Variants in SLC2A9 observed in about 807,000 individuals in gnomAD.
The protein encoded by SLC2A9 is solute carrier family 2, facilitated glucose transporter member 9.
In SLC2A9, 39 loss-of-function variants were observed where a neutral mutation model predicts 50.6. That is an observed-to-expected ratio of 0.77 (90% CI 0.60 to 1.01). The LOEUF is 1.01. Ranked by LOEUF, SLC2A9 falls within the 50% of genes least tolerant of loss-of-function variation. The probability of loss-of-function intolerance (pLI) is 0.00; values close to 1 mark genes in which losing one functional copy is unlikely to be tolerated. For synonymous variants in SLC2A9, 324 were observed against 276.9 expected, an observed-to-expected ratio of 1.17 and a Z score of -1.69; for missense variants, 686 against 677.6, an observed-to-expected ratio of 1.01 and a Z score of -0.14.
chr4:9,777,394 A>G (rs1162124146), downstream of SLC2A9, among the ~76,000 whole-genome samples: 1 of 151,238 alleles, frequency 6.6e-6, no homozygotes, highest in Non-Finnish European at 1.5e-5. Context: ...ATACTTTATC[A>G]TCTTCTGCTA....
At chr4:9,883,068 C>A (rs1329217075) in intron 10 of SLC2A9, among the ~76,000 whole-genome samples, 1 of 151,876 alleles carries the variant, frequency 6.6e-6, no homozygotes, top group Admixed American at 6.6e-5. Flanking sequence ...CTTTTTAGAG[C>A]CCTCATATGT....
At chr4:9,984,893 C>T (rs1377622492) in intron 4 of SLC2A9, among the ~76,000 whole-genome samples, 1 of 152,202 alleles carries the variant, frequency 6.6e-6, no homozygotes, top group African/African-American at 2.4e-5. Flanking sequence ...CTCGCCGTGG[C>T]CTACAAGGTC....
intron 5 of SLC2A9, among the ~76,000 whole-genome samples, chr4:9,955,465 C>T (rs528512369): frequency 1.9e-4 from 8 of 42,308 alleles, no homozygotes; most frequent in East Asian, 1.8e-3. Flanking sequence ...ACTGCACTCC[C>T]GCCTGGGCCA....
chr4:10,009,923 G>A (rs374747925), intron 2 of SLC2A9, among the ~76,000 whole-genome samples: 8 of 152,084 alleles, frequency 5.3e-5, no homozygotes, highest in African/African-American at 1.7e-4. Flanking sequence ...ATAAAGTTTG[G>A]CTGGCCTTTG....
chr4:9,975,407 A>G (rs1754619873), intron 5 of SLC2A9, among the ~76,000 whole-genome samples: 1 of 152,224 alleles, frequency 6.6e-6, no homozygotes, highest in African/African-American at 2.4e-5. Context: ...TTGAACAAGC[A>G]AAAAACAAAT....
chr4:9,806,556 T>G (rs1722142738), intron 3 of SLC2A9, among the ~76,000 whole-genome samples: 1 of 152,314 alleles, frequency 6.6e-6, no homozygotes, highest in Admixed American at 6.5e-5. Context: ...TGTGTGTCTT[T>G]AATTCCTCTA....
At chr4:9,931,942 C>CAATCTCTCTCTCTCTCAA (rs1175530586) in intron 6 of SLC2A9, among the ~76,000 whole-genome samples, 3 of 59,782 alleles carry the variant, frequency 5.0e-5, no homozygotes, top group South Asian at 1.4e-3. Context: ...CTCTCTCTCT[C>CAATCTCTCTCTCTCTCAA]TCTCTCTCTC....
At chr4:9,900,175 G>A (rs1739336689) in intron 8 of SLC2A9, among the ~76,000 whole-genome samples, 1 of 152,172 alleles carries the variant, frequency 6.6e-6, no homozygotes, top group Non-Finnish European at 1.5e-5. Flanking sequence ...TGGGCAGTGG[G>A]AACAGCCGCC....
intron 1 of SLC2A9, chr4:10,019,317 T>C (rs1041679578): frequency 3.5e-6 from 2 of 564,066 alleles, no homozygotes; most frequent in Non-Finnish European, 6.3e-6. Context: ...TCCTTCCGGG[T>C]TGCGTGAGGA....
intron 5 of SLC2A9, among the ~76,000 whole-genome samples, chr4:9,976,957 G>T (rs529374380): frequency 6.6e-6 from 1 of 152,096 alleles, no homozygotes. Context: ...TGTGCCAGAC[G>T]CCTGAGAGTT....
intron 10 of SLC2A9, 114 bp downstream of exon 10, chr4:9,887,453 G>A (rs1736476560): frequency 1.2e-5 from 12 of 1,010,974 alleles, no homozygotes; most frequent in Non-Finnish European, 1.7e-5. Context: ...CACATCCCCA[G>A]TCAGGCTTTG....
chr4:9,978,457 T>C (rs1755168360), intron 5 of SLC2A9, among the ~76,000 whole-genome samples: 1 of 152,258 alleles, frequency 6.6e-6, no homozygotes, highest in Admixed American at 6.5e-5. Flanking sequence ...TTACTTTTTT[T>C]ACTCCTAAAG....
chr4:9,835,046 T>G (rs749950630), intron 10 of SLC2A9, 38 bp from the exon 11 acceptor site: 30 of 1,611,952 alleles, frequency 1.9e-5, no homozygotes, highest in Non-Finnish European at 1.7e-6. Flanking sequence ...TTAATCACTC[T>G]GAGAAGGTCA....
At chr4:9,925,198 G>T (rs1744681160) in intron 6 of SLC2A9, among the ~76,000 whole-genome samples, 2 of 152,164 alleles carry the variant, frequency 1.3e-5, no homozygotes, top group East Asian at 3.8e-4. Flanking sequence ...AGAACACCCT[G>T]CCACTTTGTT....
chr4:9,965,301 G>A (rs78723453), intron 5 of SLC2A9, among the ~76,000 whole-genome samples: 2,225 of 152,270 alleles, frequency 0.015, 66 homozygotes, highest in African/African-American at 0.05. Flanking sequence ...AGGCTGTTTT[G>A]GGCCTTTCCC....
At chr4:9,818,213 G>A (rs1167511186) in intron 3 of SLC2A9, among the ~76,000 whole-genome samples, 3 of 146,330 alleles carry the variant, frequency 2.1e-5, no homozygotes, top group Non-Finnish European at 3.0e-5. Flanking sequence ...CGCTGTATGG[G>A]GCCAACCATT....
At chr4:9,966,608 G>C (rs60125439) in intron 5 of SLC2A9, among the ~76,000 whole-genome samples, 5,018 of 118,660 alleles carry the variant, frequency 0.042, 272 homozygotes, top group African/African-American at 0.17. Flanking sequence ...AGCCAAGGTC[G>C]AGCCCTGCAC....
At chr4:9,925,721 G>C (rs1320343249) in intron 6 of SLC2A9, among the ~76,000 whole-genome samples, 1 of 152,124 alleles carries the variant, frequency 6.6e-6, no homozygotes, top group Non-Finnish European at 1.5e-5. Context: ...CATGTGTTTT[G>C]AATGAAATAG....
At chr4:9,990,941 C>T (rs565718548) in intron 3 of SLC2A9, among the ~76,000 whole-genome samples, 2 of 152,284 alleles carry the variant, frequency 1.3e-5, no homozygotes, top group South Asian at 2.1e-4. Context: ...CTCAGGGATT[C>T]CCCCAGCTCA....
Sources: allele counts gnomAD v4.1 joint callset (sites outside exome capture counted in the v4.1 genomes callset), GRCh38; gene constraint gnomAD v4.1.1; transcripts MANE v1.5; gene names NCBI Gene and HGNC (gene_info 2026-07-23, HGNC 2026-07-21).